ELAPOR1: variants seen among roughly 807,000 people sequenced by gnomAD.
The protein encoded by ELAPOR1 is endosome/lysosome-associated apoptosis and autophagy regulator 1.
A neutral mutation model predicts 119.7 loss-of-function variants in ELAPOR1; 77 were observed. The observed-to-expected ratio is 0.64, with a 90% confidence interval of 0.54 to 0.78. The LOEUF (loss-of-function observed/expected upper bound fraction) is 0.78, where lower values mean the gene tolerates loss of function less well. ELAPOR1 is among the 30% of genes least tolerant of loss of function. ELAPOR1 has a pLI of 0.00. For missense variants in ELAPOR1, 1,115 were observed against 1,270.4 expected (o/e 0.88, Z 1.86); for synonymous variants, 481 against 487.2 (o/e 0.99, Z 0.17).
intron 1 of ELAPOR1, among the ~76,000 whole-genome samples, chr1:109,151,857 G>A (rs1340510085): frequency 1.3e-5 from 2 of 149,264 alleles, no homozygotes; most frequent in African/African-American, 2.5e-5. Flanking sequence ...TTTGCCTGGC[G>A]ACCCCAGCCT....
At chr1:109,123,424 C>T (rs762993426) in intron 1 of ELAPOR1, among the ~76,000 whole-genome samples, 31 of 152,234 alleles carry the variant, frequency 2.0e-4, no homozygotes, top group Admixed American at 1.6e-3. Context: ...TCTATAAAGA[C>T]GACATATGAA....
intron 1 of ELAPOR1, among the ~76,000 whole-genome samples, chr1:109,138,581 A>C (rs1649629837): frequency 6.6e-6 from 1 of 152,174 alleles, no homozygotes; most frequent in East Asian, 1.9e-4. Flanking sequence ...CAGCAGCAGC[A>C]GCAGCAGCAG....
intron 5 of ELAPOR1, 50 bp from the exon 6 acceptor site, chr1:109,173,424 A>G (rs1652047149): frequency 6.7e-7 from 1 of 1,488,244 alleles, no homozygotes; most frequent in Admixed American, 1.7e-5. Context: ...CCAACAGATT[A>G]GCGAGATTTT....
rs951922931 is a variant in ELAPOR1, at chr1:109,173,711, T to C, written c.826T>C (p.Phe276Leu). 1 of 1,614,170 alleles carries C rather than the reference T, an allele frequency of 6.2e-7. No individual in the cohort carries two copies. Among genetic ancestry groups the C allele is most frequent in the African/African-American group, 1.3e-5 (1 of 75,050 alleles). ...AGGGGTGGCCTACACTTCAGAATGC[T>C]TCCCCTGCAAACCTGGCACGTATGC... ...ITGVAYTSECFPCKPGTYADK... is the reference protein window; with the variant it reads ...ITGVAYTSECLPCKPGTYADK... The change falls in exon 7 of 22, where the codon TTC (phenylalanine) becomes CTC (leucine). Residue 276 changes from phenylalanine to leucine, a missense_variant. By Grantham distance (22) the Phe-to-Leu change is conservative. Coordinates refer to ENST00000369939, the MANE Select transcript of ELAPOR1 (RefSeq NM_020775.5).
Position 109,148,123 on chromosome 1 carries a change from C to T in ELAPOR1, c.154-13771C>T, listed in dbSNP as rs553978144. On this transcript the variant is annotated intron_variant, in intron 1 of 21. Coordinates refer to ENST00000369939, the MANE Select transcript of ELAPOR1 (RefSeq NM_020775.5). Reference sequence around the variant, plus strand: ...AAGTGCTGGGATTACAGGCGTGAGCCACCGCACCTGGCCTATTTTATTATT... The same window carrying T: ...AAGTGCTGGGATTACAGGCGTGAGCTACCGCACCTGGCCTATTTTATTATT... 5.3e-5 allele frequency among the ~76,000 whole-genome samples: 8 copies of T among 151,582 alleles called. No homozygotes were observed. In the East Asian group the frequency reaches 1.6e-3, roughly 29 times the overall value.
chr1:109,159,724 T>C (rs1651128787), intron 1 of ELAPOR1, among the ~76,000 whole-genome samples: 1 of 152,120 alleles, frequency 6.6e-6, no homozygotes, highest in African/African-American at 2.4e-5. Context: ...CATTTTCTCA[T>C]CTGTACAATG....
In ELAPOR1 at chr1:109,202,523, C is replaced by T. The variant is rs527994871; in HGVS notation, c.2974-421C>T. Among the ~76,000 whole-genome samples the T allele has an allele frequency of 7.9e-5, 12 of 151,958 alleles. No individual in the cohort carries two copies. The South Asian group carries it at 2.5e-3, about 32-fold the overall frequency. ...GTGGCATGATCTTGGCTTACTGCAACCTCTGTTCCCGGGTTCAAGCGATTC... is the reference window on the plus strand; with the variant it reads ...GTGGCATGATCTTGGCTTACTGCAATCTCTGTTCCCGGGTTCAAGCGATTC... On this transcript the variant is annotated intron_variant, in intron 21 of 21. Coordinates refer to ENST00000369939, the MANE Select transcript of ELAPOR1 (RefSeq NM_020775.5).
At chr1:109,137,424 G>A (rs1242796557) in intron 1 of ELAPOR1, among the ~76,000 whole-genome samples, 4 of 151,902 alleles carry the variant, frequency 2.6e-5, no homozygotes, top group African/African-American at 9.7e-5. Flanking sequence ...GACTGGTCTC[G>A]AACTCCTGAC....
rs1361631864 is a variant in ELAPOR1 at position 109,197,889 on chromosome 1, G to A, written c.2303-90G>A. 3.4e-6 allele frequency: 4 copies of A among 1,176,858 alleles called. No homozygotes were observed. The Admixed American group carries it at 5.3e-5, about 15-fold the overall frequency. 72.9% of individuals were successfully genotyped at this position (1,176,858 alleles called of 1,614,324 possible). ...ACTCAGGGATGTGATGAGATGAAGT[G>A]AGGTTGGATGTTGACAGGTATTGGA... On this transcript the variant is annotated intron_variant, in intron 16 of 21. Coordinates refer to ENST00000369939, the MANE Select transcript of ELAPOR1 (RefSeq NM_020775.5).
chr1:109,189,236 A>T (rs1653271587), intron 10 of ELAPOR1, 42 bp downstream of exon 10: 1 of 1,599,176 alleles, frequency 6.3e-7, no homozygotes, highest in South Asian at 1.1e-5. Context: ...AGCTCCCTGC[A>T]CACCCTCAGT....
chr1:109,142,539 A>T (rs1649893480), intron 1 of ELAPOR1, among the ~76,000 whole-genome samples: 1 of 152,230 alleles, frequency 6.6e-6, no homozygotes, highest in African/African-American at 2.4e-5. Context: ...GATCTCATAC[A>T]AGTGTACGCT....
intron 1 of ELAPOR1, among the ~76,000 whole-genome samples, chr1:109,150,693 G>C (rs148777772): frequency 1.6e-4 from 24 of 152,144 alleles, no homozygotes; most frequent in African/African-American, 5.1e-4. Flanking sequence ...TTAGAAGCAT[G>C]AACAAGAAAA....
intron 1 of ELAPOR1, among the ~76,000 whole-genome samples, chr1:109,135,246 CT>C (rs201749833): frequency 0.063 from 9,351 of 149,504 alleles, 652 homozygotes; most frequent in East Asian, 0.37. Flanking sequence ...ATTCAAATTT[CT>C]TTTTTTTTTC....
At chr1:109,156,525 T>C (rs1293038535) in intron 1 of ELAPOR1, among the ~76,000 whole-genome samples, 1 of 150,222 alleles carries the variant, frequency 6.7e-6, no homozygotes, top group Non-Finnish European at 1.5e-5. Flanking sequence ...GACACCATTC[T>C]TTCTGTCTCT....
chr1:109,136,430 C>T (rs937892246), intron 1 of ELAPOR1, among the ~76,000 whole-genome samples: 2 of 152,122 alleles, frequency 1.3e-5, no homozygotes, highest in South Asian at 2.1e-4. Context: ...TTGTGGCTTC[C>T]GAAGGAACCA....
At chr1:109,130,056 A>C (rs1401485284) in intron 1 of ELAPOR1, among the ~76,000 whole-genome samples, 1 of 152,104 alleles carries the variant, frequency 6.6e-6, no homozygotes, top group Non-Finnish European at 1.5e-5. Flanking sequence ...CCATCACTCC[A>C]ACCTCTGACT....
chr1:109,138,262 G>A (rs373924499), intron 1 of ELAPOR1, among the ~76,000 whole-genome samples: 2 of 152,310 alleles, frequency 1.3e-5, no homozygotes, highest in African/African-American at 4.8e-5. Context: ...CAGAGGCTGG[G>A]TGAGAATCTC....
chr1:109,118,810 CA>C, intron 1 of ELAPOR1, among the ~76,000 whole-genome samples: 1 of 151,992 alleles, frequency 6.6e-6, no homozygotes, highest in Non-Finnish European at 1.5e-5. Flanking sequence ...CCCCTGTAGT[CA>C]GGGGAGAAAG....
At position 109,191,783 on chromosome 1, in the gene ELAPOR1, C is replaced by T. The variant is rs200796507; in HGVS notation, c.1603C>T (p.Gln535Ter). The change falls in exon 13 of 22, where the codon CAG (glutamine) becomes TAG (stop). Residue 535 changes from glutamine (Q) to a stop codon, truncating the protein, a stop_gained. Transcript: ENST00000369939. LOFTEE classifies it high-confidence loss of function. Reference protein sequence around the residue: ...VETWKGSKGKQSYTYIIEENT... With the variant: ...VETWKGSKGK ...GACGTGGAAAGGTTCCAAAGGCAAA[C>T]AGTCCTATACCTACATCATTGAGGA... is the stretch of plus-strand genomic sequence containing the variant. 7.4e-6 allele frequency: 12 copies of T among 1,614,220 alleles called. No individual in the cohort carries two copies. The highest frequency in any genetic ancestry group is 1.0e-5 in the Non-Finnish European group (12 of 1,180,032).
Sources: gnomAD v4.1 joint callset for allele counts (sites outside exome capture counted in the v4.1 genomes callset) on GRCh38, gnomAD v4.1.1 for gene constraint, MANE v1.5 for transcripts, NCBI Gene and HGNC (gene_info 2026-07-23, HGNC 2026-07-21) for gene names.